The following WDR64 variants were observed in gnomAD, a reference collection of about 807,000 sequenced individuals.
WDR64 encodes WD repeat-containing protein 64.
Under a neutral mutation model 139.3 loss-of-function variants are expected in WDR64, and 112 were observed. That is an observed-to-expected ratio of 0.80 (90% confidence interval 0.69 to 0.94). The LOEUF (loss-of-function observed/expected upper bound fraction) is 0.94. Among genes scored for constraint, WDR64 ranks in the 40% least tolerant of loss-of-function variants. The pLI is 0.00. For synonymous variants in WDR64, 444 were observed against 437.7 expected (o/e 1.01, Z -0.18); for missense variants, 1,206 against 1,293.1 (o/e 0.93, Z 1.03).
At chr1:241,783,744 A>G (rs955079296) in intron 23 of WDR64, among the ~76,000 whole-genome samples, 2 of 152,262 alleles carry the variant, frequency 1.3e-5, no homozygotes, top group African/African-American at 4.8e-5. Flanking sequence ...AAGTAATAGA[A>G]AAGAGCAATT....
chr1:241,792,423 C>G (rs1447398964), intron 25 of WDR64, among the ~76,000 whole-genome samples: 1 of 152,066 alleles, frequency 6.6e-6, no homozygotes, highest in Non-Finnish European at 1.5e-5. Context: ...GTAGTCCCAG[C>G]TACTCAGGAG....
Position 241,775,593 on chromosome 1 carries a change from A to AT in WDR64, c.2536+389dup, listed in dbSNP as rs1294772663. On this transcript the variant is annotated intron_variant, in intron 21 of 27. Transcript: ENST00000437684. Reference sequence around the variant, plus strand: ...ATAAATTAGAGAAAAAAAATGAATGATTTTTTCTCAGTAGGGGACTTTATT... The same window carrying AT: ...ATAAATTAGAGAAAAAAAATGAATGATTTTTTTCTCAGTAGGGGACTTTATT... 5.3e-5 allele frequency among the ~76,000 whole-genome samples: 8 copies of AT among 152,156 alleles called. No individual in the cohort carries two copies. The East Asian group carries it at 1.2e-3, about 22-fold the overall frequency.
chr1:241,729,147 T>C (rs1477420518), intron 10 of WDR64, among the ~76,000 whole-genome samples: 1 of 152,192 alleles, frequency 6.6e-6, no homozygotes, highest in Non-Finnish European at 1.5e-5. Flanking sequence ...CTTTGATCCT[T>C]CTATCTCTGT....
Position 241,774,987 on chromosome 1 carries a change from C to T in WDR64, c.2431-118C>T, listed in dbSNP as rs1574088729. On this transcript the variant is annotated intron_variant, in intron 20 of 27. Coordinates refer to ENST00000437684, the MANE Select transcript of WDR64 (RefSeq NM_001367482.1). ...CATTACAAACAGGGGAATCGTGGTT[C>T]AGTAGTAGAGATAATTCTTGAGATG... 3 of 751,010 alleles carry T rather than the reference C, an allele frequency of 4.0e-6. No individual in the cohort carries two copies. The East Asian group carries it at 8.1e-5, about 20-fold the overall frequency. The allele number at this position is 751,010 out of a possible 1,614,324, so 46.5% of individuals were successfully genotyped here.
chr1:241,744,261 G>A, intron 12 of WDR64, 132 bp from the exon 13 acceptor site: 1 of 1,104,156 alleles, frequency 9.1e-7, no homozygotes, highest in Non-Finnish European at 1.3e-6. Flanking sequence ...CAACATTCAG[G>A]GCAGAGCGCT....
intron 16 of WDR64, among the ~76,000 whole-genome samples, chr1:241,767,770 G>A (rs1267315958): frequency 4.6e-5 from 7 of 152,072 alleles, no homozygotes; most frequent in African/African-American, 1.7e-4. Flanking sequence ...CTTGGACTAT[G>A]GATTTCTTCT....
chr1:241,717,149 C>T (rs1212977741), intron 9 of WDR64, among the ~76,000 whole-genome samples: 1 of 152,136 alleles, frequency 6.6e-6, no homozygotes, highest in Non-Finnish European at 1.5e-5. Context: ...AGTCAAGATA[C>T]TGCATTATTG....
At chr1:241,764,331 C>A (rs1016534477) in intron 15 of WDR64, among the ~76,000 whole-genome samples, 1 of 152,060 alleles carries the variant, frequency 6.6e-6, no homozygotes, top group Non-Finnish European at 1.5e-5. Flanking sequence ...AAGATTCAGG[C>A]AACAGGCTAC....
intron 13 of WDR64, among the ~76,000 whole-genome samples, chr1:241,744,952 A>T (rs1168561070): frequency 6.6e-6 from 1 of 152,200 alleles, no homozygotes; most frequent in African/African-American, 2.4e-5. Flanking sequence ...CCTATATTGG[A>T]ATTCTATATT....
chr1:241,739,461 G>A (rs147065503), intron 11 of WDR64, among the ~76,000 whole-genome samples: 1 of 152,036 alleles, frequency 6.6e-6, no homozygotes, highest in Non-Finnish European at 1.5e-5. Context: ...CCTGGATTAG[G>A]AGTGAACTAG....
chr1:241,709,530 C>A (rs1192214651), intron 8 of WDR64, among the ~76,000 whole-genome samples: 1 of 152,128 alleles, frequency 6.6e-6, no homozygotes, highest in African/African-American at 2.4e-5. Context: ...AGGAGGATCG[C>A]TTGAGTCCAA....
At chr1:241,709,222 T>C (rs1668073970) in intron 8 of WDR64, among the ~76,000 whole-genome samples, 1 of 152,190 alleles carries the variant, frequency 6.6e-6, no homozygotes. Flanking sequence ...CAGACTTTAT[T>C]TCCATGCTGT....
intron 1 of WDR64, among the ~76,000 whole-genome samples, chr1:241,655,706 T>C (rs201725064): frequency 3.2e-4 from 47 of 145,670 alleles, no homozygotes; most frequent in Admixed American, 1.6e-3. Context: ...TTTTCTTTTC[T>C]TTTTTTTTTT....
chr1:241,767,710 C>T (rs925613376), intron 16 of WDR64, among the ~76,000 whole-genome samples: 5 of 151,930 alleles, frequency 3.3e-5, no homozygotes, highest in Non-Finnish European at 7.4e-5. Context: ...CCCATCCAAG[C>T]CTGAGTCATT....
chr1:241,677,080 A>G (rs1175457410), intron 4 of WDR64, among the ~76,000 whole-genome samples: 3 of 152,198 alleles, frequency 2.0e-5, no homozygotes, highest in Non-Finnish European at 2.9e-5. Context: ...GAAGTACAAT[A>G]AATATAGTTC....
chr1:241,712,021 G>A lies in WDR64; in HGVS notation c.1054+140G>A, dbSNP rs187412627. On this transcript the variant is annotated intron_variant, in intron 9 of 27. Transcript: ENST00000437684. ...ATCTGTTTGTCTTTTTCTTTCTGGCGTCTGGATTTGATAACATACTTAGAA... is the reference window on the plus strand; with the variant it reads ...ATCTGTTTGTCTTTTTCTTTCTGGCATCTGGATTTGATAACATACTTAGAA... The A allele has an allele frequency of 2.0e-4, 166 of 824,068 alleles. 2 individuals carry two copies. In the South Asian group the frequency reaches 2.0e-3, roughly 10 times the overall value. The allele number at this position is 824,068 out of a possible 1,614,324, so 51.0% of individuals were successfully genotyped here. A position where few individuals can be genotyped will look rare whatever the true frequency, so the allele number is the denominator to read the frequency against.
At position 241,656,424 on chromosome 1, in the gene WDR64, T is replaced by C. The variant is rs1665598723; in HGVS notation, c.145+3795T>C. Among the ~76,000 whole-genome samples the C allele has an allele frequency of 6.6e-6, 1 of 152,182 alleles. No individual in the cohort carries two copies. Among genetic ancestry groups the C allele is most frequent in the Admixed American group, 6.5e-5 (1 of 15,276 alleles). On this transcript the variant is annotated intron_variant, in intron 1 of 27. Coordinates refer to ENST00000437684, the MANE Select transcript of WDR64 (RefSeq NM_001367482.1). The surrounding 1 kb of genome is among the most constrained non-coding windows in gnomAD (Gnocchi z 4.3). ...TAATTTTATCCCAGGACAAAGAAAGTCTCATTATCCTCATCCAGTGATATT... is the reference window on the plus strand; with the variant it reads ...TAATTTTATCCCAGGACAAAGAAAGCCTCATTATCCTCATCCAGTGATATT...
At chr1:241,723,992 A>G (rs1379349112) in intron 10 of WDR64, among the ~76,000 whole-genome samples, 1 of 152,040 alleles carries the variant, frequency 6.6e-6, no homozygotes, top group Non-Finnish European at 1.5e-5. Flanking sequence ...AAATAAATAA[A>G]TAAATGTCTA....
chr1:241,766,459 C>G, intron 16 of WDR64, 108 bp downstream of exon 16: 1 of 1,290,498 alleles, frequency 7.7e-7, no homozygotes, highest in East Asian at 2.6e-5. Context: ...GTCTGTAAAC[C>G]CAGAACTTTG....
Sources: allele counts gnomAD v4.1 joint callset (sites outside exome capture counted in the v4.1 genomes callset), GRCh38; gene constraint gnomAD v4.1.1; non-coding constraint Gnocchi (gnomAD v3.1); transcripts MANE v1.5; gene names NCBI Gene and HGNC (gene_info 2026-07-23, HGNC 2026-07-21).